Variants in RAP1GAP2 observed in about 807,000 individuals in gnomAD.
RAP1GAP2 encodes rap1 GTPase-activating protein 2.
In RAP1GAP2, 27 loss-of-function variants were observed where a neutral mutation model predicts 95.0. The observed-to-expected ratio is 0.28, with a 90% CI of 0.21 to 0.39. RAP1GAP2 has a LOEUF of 0.39. Among genes scored for constraint, RAP1GAP2 ranks in the 10% least tolerant of loss-of-function variants. The pLI is 1.00. For synonymous variants in RAP1GAP2, 373 were observed against 380.9 expected (o/e 0.98, Z 0.24); for missense variants, 771 against 970.0 (o/e 0.79, Z 2.72).
intron 2 of RAP1GAP2, among the ~76,000 whole-genome samples, chr17:2,826,286 T>C (rs1277066008): frequency 1.1e-4 from 16 of 148,716 alleles, no homozygotes; most frequent in Admixed American, 1.0e-3. Context: ...TGAGCCACCA[T>C]GCCTGGCCTG....
chr17:2,854,139 T>C, intron 2 of RAP1GAP2: 9 of 985,414 alleles, frequency 9.1e-6, no homozygotes, highest in Non-Finnish European at 1.1e-5. Flanking sequence ...CCCTCCGCTC[T>C]CCTGCTGCAT....
chr17:2,779,165 G>A (rs1424621311), intron 1 of RAP1GAP2, among the ~76,000 whole-genome samples: 1 of 152,212 alleles, frequency 6.6e-6, no homozygotes, highest in Non-Finnish European at 1.5e-5. Flanking sequence ...TGAGAGGTGG[G>A]GCCAAGAGGG....
At chr17:3,012,512 G>T (rs2046584925) in intron 17 of RAP1GAP2, among the ~76,000 whole-genome samples, 1 of 148,416 alleles carries the variant, frequency 6.7e-6, no homozygotes, top group African/African-American at 2.5e-5. Flanking sequence ...CAGCTACTTG[G>T]GAGGCTGGGG....
intron 2 of RAP1GAP2, among the ~76,000 whole-genome samples, chr17:2,848,567 T>A (rs1292238591): frequency 6.6e-6 from 1 of 151,504 alleles, no homozygotes; most frequent in East Asian, 2.0e-4. Context: ...CAGGCTGGAG[T>A]GCAGTGGCAC....
intron 3 of RAP1GAP2, among the ~76,000 whole-genome samples, chr17:2,923,334 G>A (rs1186153214): frequency 2.0e-5 from 3 of 148,640 alleles, no homozygotes; most frequent in South Asian, 2.1e-4. Flanking sequence ...CACCGCGCCC[G>A]GCCTTTTTTT....
At chr17:2,943,138 C>A (rs1357300609) in intron 3 of RAP1GAP2, among the ~76,000 whole-genome samples, 1 of 152,086 alleles carries the variant, frequency 6.6e-6, no homozygotes, top group Non-Finnish European at 1.5e-5. Context: ...TTCTCCTCCC[C>A]CCAAGCCCCT....
intron 2 of RAP1GAP2, among the ~76,000 whole-genome samples, chr17:2,770,744 C>G (rs2068374358): frequency 6.6e-6 from 1 of 152,186 alleles, no homozygotes; most frequent in South Asian, 2.1e-4. Context: ...CAGAGATTTA[C>G]AAAGCCTGGA....
intron 2 of RAP1GAP2, among the ~76,000 whole-genome samples, chr17:2,863,167 T>C (rs2072478732): frequency 2.0e-5 from 3 of 152,076 alleles, no homozygotes; most frequent in Admixed American, 2.0e-4. Context: ...GGTTGAACCC[T>C]GAAGAGGGTC....
At chr17:2,821,489 C>T (rs1393979249) in intron 2 of RAP1GAP2, among the ~76,000 whole-genome samples, 1 of 151,766 alleles carries the variant, frequency 6.6e-6, no homozygotes, top group African/African-American at 2.4e-5. Context: ...GATCCTCCCA[C>T]CTTAGCCTCC....
chr17:2,782,149 G>A (rs1271219614), intron 1 of RAP1GAP2, among the ~76,000 whole-genome samples: 1 of 152,062 alleles, frequency 6.6e-6, no homozygotes, highest in Non-Finnish European at 1.5e-5. Flanking sequence ...GCCCCATCCC[G>A]CCCTCTCTCC....
chr17:2,757,757 A>G (rs1025524912), intron 1 of RAP1GAP2, among the ~76,000 whole-genome samples: 3 of 152,150 alleles, frequency 2.0e-5, no homozygotes, highest in Non-Finnish European at 4.4e-5. Context: ...CACAGAAGAA[A>G]TAGGAAGAGA....
intron 1 of RAP1GAP2, among the ~76,000 whole-genome samples, chr17:2,764,332 T>C (rs1489524341): frequency 6.6e-6 from 1 of 151,928 alleles, no homozygotes; most frequent in East Asian, 1.9e-4. Flanking sequence ...CTCGGGAGGC[T>C]GAGGCAGGCG....
chr17:2,777,830 C>T (rs918301310), intron 1 of RAP1GAP2, among the ~76,000 whole-genome samples: 2 of 152,086 alleles, frequency 1.3e-5, no homozygotes, highest in African/African-American at 2.4e-5. Flanking sequence ...TCTTTGCCTG[C>T]GTTGTGACCC....
chr17:3,005,351 T>C lies in RAP1GAP2; in HGVS notation c.1201-18T>C, dbSNP rs753971860. ...GTCTCTTCCCTCCAGGTCCGTACCA[T>C]GACTCTGTTTCACTCAGGTCTCTGT... On this transcript the variant is annotated intron_variant, in intron 14 of 24. Coordinates refer to ENST00000254695, the MANE Select transcript of RAP1GAP2 (RefSeq NM_015085.5). This position sits in a 1 kb window ranked among gnomAD's most constrained non-coding sequence, Gnocchi z 5.2. 6.2e-7 allele frequency: 1 copy of C among 1,612,126 alleles called. No homozygotes were observed. Among genetic ancestry groups the C allele is most frequent in the Admixed American group, 1.7e-5 (1 of 60,026 alleles).
intron 3 of RAP1GAP2, among the ~76,000 whole-genome samples, chr17:2,953,095 C>T (rs116313739): frequency 0.023 from 3,503 of 152,140 alleles, 133 homozygotes; most frequent in African/African-American, 0.079. Context: ...TGTGAGCCAC[C>T]ACTGCACCAG....
chr17:2,829,697 C>G (rs1253369965), intron 2 of RAP1GAP2, among the ~76,000 whole-genome samples: 1 of 152,136 alleles, frequency 6.6e-6, no homozygotes, highest in Admixed American at 6.6e-5. Flanking sequence ...ACTAAGCTGG[C>G]CAGAGCCTGG....
chr17:2,802,360 C>G (rs539504764), intron 2 of RAP1GAP2, among the ~76,000 whole-genome samples: 2 of 152,136 alleles, frequency 1.3e-5, no homozygotes, highest in Non-Finnish European at 2.9e-5. Context: ...TTCGCAGGGC[C>G]GGGATGGAGG....
At chr17:2,853,902 C>T (rs2072007053) in intron 2 of RAP1GAP2, 2 of 978,032 alleles carry the variant, frequency 2.0e-6, no homozygotes, top group Non-Finnish European at 2.4e-6. Context: ...GGCCGGGGGC[C>T]GGGGCGCGGG....
In RAP1GAP2 at chr17:2,958,823, A is replaced by G. The variant is rs532069710; in HGVS notation, c.201+1029A>G. 5.5e-5 allele frequency among the ~76,000 whole-genome samples: 8 copies of G among 146,528 alleles called. No homozygotes were observed. In the South Asian group the frequency reaches 1.4e-3, roughly 26 times the overall value. ...CACGGCAGTCCTGAGATGTGGGCCA[A>G]GCAGCCAGGTGTCCCTGAGGGTGGG... is the stretch of plus-strand genomic sequence containing the variant. On this transcript the variant is annotated intron_variant, in intron 4 of 24. Transcript: ENST00000254695.
Sources: gnomAD v4.1 joint callset for allele counts (sites outside exome capture counted in the v4.1 genomes callset) on GRCh38, gnomAD v4.1.1 for gene constraint, Gnocchi (gnomAD v3.1) non-coding constraint, MANE v1.5 for transcripts, NCBI Gene and HGNC (gene_info 2026-07-23, HGNC 2026-07-21) for gene names.